The following EYA3 variants were observed in gnomAD, a reference collection of about 807,000 sequenced individuals.
EYA3 encodes the protein protein phosphatase EYA3.
A neutral mutation model predicts 80.0 loss-of-function variants in EYA3; 39 were observed. The ratio of observed to expected loss-of-function variants is 0.49; its 90% CI spans 0.38 to 0.64. The LOEUF (loss-of-function observed/expected upper bound fraction) is 0.64, where lower values mean the gene tolerates loss of function less well. Ranked by LOEUF, EYA3 falls within the 30% of genes least tolerant of loss-of-function variation. The pLI is 0.00. For synonymous variants in EYA3, 206 were observed against 232.8 expected, an observed-to-expected ratio of 0.88 and a Z score of 1.05; for missense variants, 523 against 676.1, an observed-to-expected ratio of 0.77 and a Z score of 2.51.
intron 6 of EYA3, among the ~76,000 whole-genome samples, chr1:28,033,669 A>T (rs150628667): frequency 0.37 from 45,995 of 125,506 alleles, 7,509 homozygotes; most frequent in East Asian, 0.53. Context: ...TATTATTATT[A>T]TTTTTGAGAC....
rs149277449 is a variant in EYA3, at chr1:28,009,093, A to G, written c.909+1854T>C. 1.5e-4 allele frequency among the ~76,000 whole-genome samples: 23 copies of G among 152,330 alleles called. 2 individuals are homozygous for G. In the East Asian group the frequency reaches 4.4e-3, roughly 29 times the overall value. ...TGAAAAATAGTTTGGTGGTTTCTCA[A>G]AAAGTGGAGCACAGAATTACAATAG... On this transcript the variant is annotated intron_variant, in intron 10 of 17. Coordinates refer to ENST00000373871, the MANE Select transcript of EYA3 (RefSeq NM_001990.4). This position sits in a 1 kb window ranked among gnomAD's most constrained non-coding sequence, Gnocchi z 4.8.
At position 27,988,804 on chromosome 1, in the gene EYA3, C is replaced by T. The variant is rs772277902; in HGVS notation, c.1419-148G>A. ...ACTGTTCAGAGCCAATGTTCAGCTA[C>T]TACTCATTATTTCATGTTCATTTAC... On this transcript the variant is annotated intron_variant, in intron 15 of 17. Transcript: ENST00000373871. The T allele has an allele frequency of 3.7e-4, 303 of 809,620 alleles. 2 individuals carry two copies. The highest frequency in any genetic ancestry group is 5.9e-5 in the Non-Finnish European group (31 of 522,000). The allele number at this position is 809,620 out of a possible 1,614,324, so 50.2% of individuals were successfully genotyped here.
rs1571771168 is a variant in EYA3, at chr1:28,004,375, G to A, written c.954C>T (p.His318=). 6.2e-7 allele frequency: 1 copy of A among 1,607,722 alleles called. No individual in the cohort carries two copies. Among genetic ancestry groups the A allele is most frequent in the Non-Finnish European group, 8.5e-7 (1 of 1,175,328 alleles). Reference sequence around the variant, plus strand: ...GGGCATAGGATCCAGTAAGAAGTGAGTGGAAGATGATGATGGTTTCATCCA... The same window carrying A: ...GGGCATAGGATCCAGTAAGAAGTGAATGGAAGATGATGATGGTTTCATCCA... The part of the protein sequence containing the change: ...WDLDETIIIF[H]SLLTGSYAQK... The change falls in exon 11 of 18, where the codon CAC becomes CAT. Residue 318 remains histidine (H), a synonymous_variant. Coordinates refer to ENST00000373871, the MANE Select transcript of EYA3 (RefSeq NM_001990.4).
intron 16 of EYA3, 53 bp downstream of exon 16, chr1:27,988,482 A>T: frequency 6.3e-7 from 1 of 1,597,280 alleles, no homozygotes; most frequent in Non-Finnish European, 8.5e-7. Context: ...GTGCATCATG[A>T]GTAGAAAGTT....
intron 7 of EYA3, among the ~76,000 whole-genome samples, chr1:28,027,366 G>A (rs1052018447): frequency 8.5e-5 from 13 of 152,096 alleles, no homozygotes; most frequent in African/African-American, 3.1e-4. Context: ...GTAGTAAATG[G>A]GGTATAAGTG....
intron 6 of EYA3, among the ~76,000 whole-genome samples, chr1:28,032,978 G>C (rs1643232107): frequency 6.6e-6 from 1 of 152,126 alleles, no homozygotes; most frequent in South Asian, 2.1e-4. Flanking sequence ...TATAAAAAGG[G>C]ATAAAGCTAG....
chr1:28,001,287 G>A (rs1342037414), intron 11 of EYA3, among the ~76,000 whole-genome samples: 7 of 148,524 alleles, frequency 4.7e-5, no homozygotes, highest in South Asian at 2.1e-4. Flanking sequence ...GTATTTTCAC[G>A]TTCAGGTCTT....
intron 1 of EYA3, among the ~76,000 whole-genome samples, chr1:28,080,914 C>A (rs1480342762): frequency 1.3e-5 from 2 of 151,936 alleles, no homozygotes; most frequent in African/African-American, 4.8e-5. Context: ...CCATGCCTGG[C>A]TAATTTTGTA....
intron 2 of EYA3, among the ~76,000 whole-genome samples, chr1:28,051,559 C>T (rs191730862): frequency 1.2e-4 from 19 of 152,074 alleles, no homozygotes; most frequent in African/African-American, 2.9e-4. Context: ...TGGTGGTGCA[C>T]GCCTATAATC....
At chr1:28,025,908 C>T (rs547409149) in intron 7 of EYA3, among the ~76,000 whole-genome samples, 6 of 152,166 alleles carry the variant, frequency 3.9e-5, no homozygotes, top group East Asian at 1.9e-4. Context: ...TACAGGCATG[C>T]GCCACCACAC....
chr1:28,018,897 G>A (rs1642243975), intron 7 of EYA3, among the ~76,000 whole-genome samples: 1 of 152,202 alleles, frequency 6.6e-6, no homozygotes, highest in Non-Finnish European at 1.5e-5. Flanking sequence ...GGTGCGTGGT[G>A]GCTCACGCCT....
intron 17 of EYA3, among the ~76,000 whole-genome samples, chr1:27,977,960 A>G (rs1232955875): frequency 6.6e-6 from 1 of 152,208 alleles, no homozygotes; most frequent in African/African-American, 2.4e-5. Flanking sequence ...AAGGCAGGAA[A>G]GACTTTCTCT....
At chr1:28,040,183 T>A (rs1039837459) in intron 4 of EYA3, among the ~76,000 whole-genome samples, 3 of 152,162 alleles carry the variant, frequency 2.0e-5, no homozygotes. Context: ...TGGACTAGAA[T>A]AGCAACAGTG....
At chr1:28,086,665 T>G (rs1645666930) in intron 1 of EYA3, among the ~76,000 whole-genome samples, 1 of 152,230 alleles carries the variant, frequency 6.6e-6, no homozygotes, top group Non-Finnish European at 1.5e-5. Flanking sequence ...GGCATTCCCA[T>G]GGCTTAAATG....
intron 1 of EYA3, among the ~76,000 whole-genome samples, chr1:28,069,641 A>G (rs1644954336): frequency 6.8e-6 from 1 of 146,668 alleles, no homozygotes; most frequent in Non-Finnish European, 1.5e-5. Context: ...GAAGGAAGGG[A>G]AAGAGGGGGT....
intron 17 of EYA3, chr1:27,977,069 C>T: frequency 5.1e-6 from 5 of 985,266 alleles, no homozygotes; most frequent in Non-Finnish European, 6.0e-6. Context: ...TCAGAGTTAC[C>T]AACTCTGCTG....
chr1:28,033,640 G>GTAT lies in EYA3; in HGVS notation c.361+1901_361+1903dup, dbSNP rs142552670. Among the ~76,000 whole-genome samples the GTAT allele has an allele frequency of 7.6e-3, 1,068 of 141,044 alleles. 9 individuals are homozygous for GTAT. The highest frequency in any genetic ancestry group is 0.02 in the African/African-American group (772 of 39,054). The allele number at this position is 141,044 out of a possible 152,430, so 92.5% of individuals were successfully genotyped here. On this transcript the variant is annotated intron_variant, in intron 6 of 17. Transcript: ENST00000373871. ...TTACAGAATTTTTTTCTTTTTTAAT[G>GTAT]TATTATTATTATTATTATTATTATT...
intron 4 of EYA3, among the ~76,000 whole-genome samples, chr1:28,040,466 T>C (rs1211227035): frequency 6.6e-6 from 1 of 152,114 alleles, no homozygotes; most frequent in African/African-American, 2.4e-5. Context: ...ACTGGAAATA[T>C]CAATATGGAA....
rs1018332426 is a variant in EYA3, at chr1:27,993,628, G to T, written c.1143-68C>A. 3 of 1,393,040 alleles carry T rather than the reference G, an allele frequency of 2.2e-6. No homozygotes were observed. In the African/African-American group the frequency reaches 4.4e-5, roughly 21 times the overall value. The allele number at this position is 1,393,040 out of a possible 1,614,324, so 86.3% of individuals were successfully genotyped here. On this transcript the variant is annotated intron_variant, in intron 13 of 17. Coordinates refer to ENST00000373871, the MANE Select transcript of EYA3 (RefSeq NM_001990.4). ...TAAAGTTTTTGTTTGAGTGCTATTT[G>T]GTTGGGTTCTTGGTATCTGATAAAT...
Sources: allele counts gnomAD v4.1 joint callset (sites outside exome capture counted in the v4.1 genomes callset), GRCh38; gene constraint gnomAD v4.1.1; non-coding constraint Gnocchi (gnomAD v3.1); transcripts MANE v1.5; gene names NCBI Gene and HGNC (gene_info 2026-07-23, HGNC 2026-07-21).